Variants in TRUB2 observed in about 807,000 individuals in gnomAD.
TRUB2 encodes TruB pseudouridine synthase family member 2, also known as pseudouridylate synthase TRUB2, mitochondrial.
TRUB2 carries 31 observed loss-of-function variants against 31.9 expected under a neutral mutation model. The observed-to-expected ratio is 0.97, with a 90% CI of 0.73 to 1.31. The LOEUF is 1.31. Among genes scored for constraint, TRUB2 ranks in the 50% most tolerant of loss-of-function variants. TRUB2 has a pLI of 0.00. For missense variants in TRUB2, 451 were observed against 439.6 expected, an observed-to-expected ratio of 1.03 and a Z score of -0.23; for synonymous variants, 201 against 182.6, an observed-to-expected ratio of 1.10 and a Z score of -0.81.
rs368089230 is a variant in TRUB2 at position 128,322,438 on chromosome 9, G to A, written c.-30C>T. On this transcript the variant is annotated 5_prime_UTR_variant, in exon 1 of 8. Transcript: ENST00000372890. Reference sequence around the variant, plus strand: ...GAAGATCACAGCACCCGCTGGACCTGGACGGAAGTACCGCCAGGCCCCGCC... The same window carrying A: ...GAAGATCACAGCACCCGCTGGACCTAGACGGAAGTACCGCCAGGCCCCGCC... The A allele has an allele frequency of 3.7e-6, 6 of 1,609,162 alleles. No individual in the cohort carries two copies. In the African/African-American group the frequency reaches 8.0e-5, roughly 21 times the overall value.
intron 3 of TRUB2, chr9:128,316,848 C>T (rs149214192): frequency 3.6e-4 from 109 of 305,396 alleles, no homozygotes; most frequent in African/African-American, 2.2e-3. Context: ...CTACTTTCTT[C>T]TTCCATAAAA....
At chr9:128,320,067 C>T (rs532627435) in intron 2 of TRUB2, among the ~76,000 whole-genome samples, 2 of 151,932 alleles carry the variant, frequency 1.3e-5, no homozygotes, top group African/African-American at 2.4e-5. Context: ...AGGCGCCCAC[C>T]ACCACGCCCG....
chr9:128,321,312 T>C (rs1426222672), intron 2 of TRUB2, among the ~76,000 whole-genome samples: 1 of 152,244 alleles, frequency 6.6e-6, no homozygotes, highest in Non-Finnish European at 1.5e-5. Flanking sequence ...TGAATATTCA[T>C]AAAGTTCTAT....
Position 128,309,108 on chromosome 9 carries a change from A to T in TRUB2, c.*442T>A, listed in dbSNP as rs1433559163. The T allele has an allele frequency of 6.1e-6, 1 of 164,182 alleles. No homozygotes were observed. Among genetic ancestry groups the T allele is most frequent in the African/African-American group, 2.4e-5 (1 of 41,070 alleles). 10.2% of individuals were successfully genotyped at this position (164,182 alleles called of 1,614,324 possible). A position where few individuals can be genotyped will look rare whatever the true frequency, so the allele number is the denominator to read the frequency against. On this transcript the variant is annotated 3_prime_UTR_variant, in exon 8 of 8. Coordinates refer to ENST00000372890, the MANE Select transcript of TRUB2 (RefSeq NM_015679.3). ...GTTAATGACACTGCAAATACTTACA[A>T]TTTTTTTTAATTTTTAATTTTCGTG...
At position 128,315,648 on chromosome 9, in the gene TRUB2, A is replaced by T. The variant is rs1261530343; in HGVS notation, c.317-20T>A. ...CGAGCACTGAAAAGCAGCCAGCGTC[A>T]TCTCACACCTGGGACCCCCTTCCCA... On this transcript the variant is annotated intron_variant, in intron 3 of 7. Transcript: ENST00000372890. 1 of 1,611,190 alleles carries T rather than the reference A, an allele frequency of 6.2e-7. No homozygotes were observed. Among genetic ancestry groups the T allele is most frequent in the African/African-American group, 1.3e-5 (1 of 74,756 alleles).
At chr9:128,316,276 C>G (rs1211294082) in intron 3 of TRUB2, 1 of 152,250 alleles carries the variant, frequency 6.6e-6, no homozygotes, top group Admixed American at 6.5e-5. Flanking sequence ...CCTGTAATCC[C>G]ACCTACTCGG....
At position 128,311,585 on chromosome 9, in the gene TRUB2, C is replaced by T. The variant is rs778322808; in HGVS notation, c.477G>A (p.Glu159=). 5 of 1,613,962 alleles carry T rather than the reference C, an allele frequency of 3.1e-6. No homozygotes were observed. The African/African-American group carries it at 5.3e-5, about 17-fold the overall frequency. The change falls in exon 6 of 8, where the codon GAG becomes GAA. Residue 159 remains glutamate, a synonymous_variant. Transcript: ENST00000372890. ...EKTTYDHVTR[E]KLDRILAVIQ... ...TAACGGCCAGAATGCGGTCCAGCTT[C>T]TCTCTGGTCACGTGGTCTGGAAAAG...
intron 4 of TRUB2, 51 bp downstream of exon 4, chr9:128,315,516 A>AC (rs1375829951): frequency 6.4e-7 from 1 of 1,572,456 alleles, no homozygotes; most frequent in African/African-American, 1.4e-5. Context: ...CCTGCTGGTG[A>AC]CCCCCAGGAA....
intron 2 of TRUB2, among the ~76,000 whole-genome samples, chr9:128,318,916 T>C (rs754655549): frequency 6.6e-6 from 1 of 152,030 alleles, no homozygotes; most frequent in Non-Finnish European, 1.5e-5. Context: ...TTGCAAGGGC[T>C]CACGCTTATA....
chr9:128,310,518 A>G (rs1206890029), intron 7 of TRUB2, among the ~76,000 whole-genome samples: 2 of 151,898 alleles, frequency 1.3e-5, no homozygotes, highest in African/African-American at 4.8e-5. Flanking sequence ...AGGAACACAG[A>G]TAAGAGGGGC....
In TRUB2 at chr9:128,313,703, T is replaced by C; in HGVS notation, c.460+105A>G. 6.1e-6 allele frequency: 6 copies of C among 983,336 alleles called. 1 individual carries two copies. Among genetic ancestry groups the C allele is most frequent in the South Asian group, 4.1e-5 (3 of 72,434 alleles). The allele number at this position is 983,336 out of a possible 1,614,324, so 60.9% of individuals were successfully genotyped here. A position where few individuals can be genotyped will look rare whatever the true frequency, so the allele number is the denominator to read the frequency against. On this transcript the variant is annotated intron_variant, in intron 5 of 7. Coordinates refer to ENST00000372890, the MANE Select transcript of TRUB2 (RefSeq NM_015679.3). ...GGCCAAAGCCTCAGCCCAAGCCTAG[T>C]GTGTGCAGTGGAACTGAGAAGGGGC...
intron 2 of TRUB2, among the ~76,000 whole-genome samples, chr9:128,320,371 T>A (rs1234686904): frequency 6.6e-6 from 1 of 151,376 alleles, no homozygotes. Context: ...TCACTCTTAT[T>A]GTCCAGGCTA....
Position 128,309,648 on chromosome 9 carries a change from G to C in TRUB2, c.898C>G (p.Pro300Ala), listed in dbSNP as rs764088435. 6.2e-7 allele frequency: 1 copy of C among 1,614,072 alleles called. No homozygotes were observed. The highest frequency in any genetic ancestry group is 8.5e-7 in the Non-Finnish European group (1 of 1,180,044). Reference sequence around the variant, plus strand: ...GGGAGCTGCTTGGTGTCCAGCCCCGGGCTCAAGCTCTTCTCCAGCTCTGCA... The same window carrying C: ...GGGAGCTGCTTGGTGTCCAGCCCCGCGCTCAAGCTCTTCTCCAGCTCTGCA... ...VAAELEKSLSPGLDTKQLPSP... is the reference protein window; with the variant it reads ...VAAELEKSLSAGLDTKQLPSP... Residue 300 changes from proline to alanine, a missense_variant, in exon 8 of 8, where the codon CCG (proline) becomes GCG (alanine). Pro to Ala is a conservative substitution (Grantham distance 27). Coordinates refer to ENST00000372890, the MANE Select transcript of TRUB2 (RefSeq NM_015679.3).
At chr9:128,313,535 C>CAAAA (rs563876862) in intron 5 of TRUB2, among the ~76,000 whole-genome samples, 42 of 79,114 alleles carry the variant, frequency 5.3e-4, no homozygotes, top group African/African-American at 6.3e-4. Context: ...GACTCCGTCT[C>CAAAA]AAAAAAAAAA....
chr9:128,319,123 G>T, intron 2 of TRUB2, among the ~76,000 whole-genome samples: 1 of 151,852 alleles, frequency 6.6e-6, no homozygotes, highest in Non-Finnish European at 1.5e-5. Context: ...TCAGGAGATC[G>T]AGACTATCCT....
chr9:128,309,987 C>A, intron 7 of TRUB2, 112 bp from the exon 8 acceptor site: 1 of 1,150,318 alleles, frequency 8.7e-7, no homozygotes, highest in Non-Finnish European at 1.2e-6. Context: ...CTTAGCAAGA[C>A]CCCTAAGCTC....
Position 128,313,906 on chromosome 9 carries a change from G to C in TRUB2, c.379-17C>G, listed in dbSNP as rs2131447254. 6.2e-7 allele frequency: 1 copy of C among 1,612,628 alleles called. No individual in the cohort carries two copies. Among genetic ancestry groups the C allele is most frequent in the East Asian group, 2.2e-5 (1 of 44,842 alleles). ...TGTGTAATCCTTCAAGGACAGGGAG[G>C]TAAAGATCCGTCAGTGACCCCATTC... On this transcript the variant is annotated splice_polypyrimidine_tract_variant and intron_variant, in intron 4 of 7. Coordinates refer to ENST00000372890, the MANE Select transcript of TRUB2 (RefSeq NM_015679.3).
At position 128,315,595 on chromosome 9, in the gene TRUB2, GT is replaced by G. The variant is rs775045699; in HGVS notation, c.349del (p.Thr117ProfsTer32). 18 of 1,613,582 alleles carry G rather than the reference GT, an allele frequency of 1.1e-5. No homozygotes were observed. The highest frequency in any genetic ancestry group is 1.4e-5 in the Non-Finnish European group (16 of 1,179,892). On this transcript the variant is annotated frameshift_variant, in exon 4 of 8. Transcript: ENST00000372890. LOFTEE classifies it high-confidence loss of function. ...GGTAAGATGAGCATTGTACATATCG[GT>G]GAGGAGCCTGCATCCATGTCCCACG... ...LGVGHGCRLL[T>X]DMYNAHLTKD...
rs148164648 is a variant in TRUB2 at position 128,312,904 on chromosome 9, G to A, written c.460+904C>T. Among the ~76,000 whole-genome samples, 673 of 151,568 alleles carry A rather than the reference G, an allele frequency of 4.4e-3. 2 individuals are homozygous for A. The highest frequency in any genetic ancestry group is 0.015 in the African/African-American group (609 of 41,460). On this transcript the variant is annotated intron_variant, in intron 5 of 7. Transcript: ENST00000372890. ...TGGGATTACAGGCGTGAGCCACTGC[G>A]CCCGGCCTCTTTTTAAAATTTAGAA...
Sources: gnomAD v4.1 joint callset for allele counts (sites outside exome capture counted in the v4.1 genomes callset) on GRCh38, gnomAD v4.1.1 for gene constraint, MANE v1.5 for transcripts, NCBI Gene and HGNC (gene_info 2026-07-23, HGNC 2026-07-21) for gene names.